MDGA1: variants seen among roughly 807,000 people sequenced by gnomAD.
MDGA1 encodes MAM domain containing glycosylphosphatidylinositol anchor 1.
A neutral mutation model predicts 101.5 loss-of-function variants in MDGA1; 54 were observed. That is an observed-to-expected ratio of 0.53 (90% CI 0.43 to 0.67). MDGA1 has a LOEUF of 0.67. Ranked by LOEUF, MDGA1 falls within the 30% of genes least tolerant of loss-of-function variation. MDGA1 has a pLI of 0.00. For missense variants in MDGA1, 1,083 were observed against 1,323.8 expected, an observed-to-expected ratio of 0.82 and a Z score of 2.82; for synonymous variants, 533 against 558.3, an observed-to-expected ratio of 0.95 and a Z score of 0.64.
At chr6:37,677,429 C>T (rs1306056675) in intron 1 of MDGA1, among the ~76,000 whole-genome samples, 3 of 152,202 alleles carry the variant, frequency 2.0e-5, no homozygotes, top group Non-Finnish European at 4.4e-5. Flanking sequence ...GGGAAATTGG[C>T]TCCTACCCAA....
chr6:37,694,418 A>C (rs1309884846), intron 1 of MDGA1, among the ~76,000 whole-genome samples: 1 of 152,152 alleles, frequency 6.6e-6, no homozygotes, highest in African/African-American at 2.4e-5. Flanking sequence ...TGTGCCGGGG[A>C]CCATGCTGGA....
chr6:37,691,122 G>A (rs79879161), intron 1 of MDGA1, among the ~76,000 whole-genome samples: 1 of 151,964 alleles, frequency 6.6e-6, no homozygotes, highest in African/African-American at 2.4e-5. Flanking sequence ...CATCTCAGTA[G>A]CCCTGCCAAT....
chr6:37,669,715 G>A (rs1053361406), intron 1 of MDGA1, among the ~76,000 whole-genome samples: 2 of 152,126 alleles, frequency 1.3e-5, no homozygotes, highest in Non-Finnish European at 2.9e-5. Flanking sequence ...CTCCTGATTC[G>A]GAAGGCAACC....
chr6:37,675,853 C>A (rs1761967631), intron 1 of MDGA1, among the ~76,000 whole-genome samples: 1 of 152,168 alleles, frequency 6.6e-6, no homozygotes, highest in Non-Finnish European at 1.5e-5. Flanking sequence ...TGGCACTGGT[C>A]CCTGGCAGCA....
In MDGA1 at chr6:37,696,934, C is replaced by G. The variant is rs1762434828; in HGVS notation, c.-123G>C. On this transcript the variant is annotated 5_prime_UTR_variant, in exon 1 of 17. Transcript: ENST00000434837. This position sits in a 1 kb window ranked among gnomAD's most constrained non-coding sequence, Gnocchi z 5.6. Reference sequence around the variant, plus strand: ...TTTCCCTGAGAGGTGAGAGAGAGAGCGGCGACGAAGACCAGGAGACTGAAG... The same window carrying G: ...TTTCCCTGAGAGGTGAGAGAGAGAGGGGCGACGAAGACCAGGAGACTGAAG... The G allele has an allele frequency of 1.2e-6, 1 of 811,778 alleles. No individual in the cohort carries two copies. The highest frequency in any genetic ancestry group is 2.0e-6 in the Non-Finnish European group (1 of 488,424). 50.3% of individuals were successfully genotyped at this position (811,778 alleles called of 1,614,324 possible).
intron 1 of MDGA1, among the ~76,000 whole-genome samples, chr6:37,676,587 A>G (rs1268916347): frequency 6.6e-6 from 1 of 152,214 alleles, no homozygotes; most frequent in South Asian, 2.1e-4. Flanking sequence ...AGTCCTTTCC[A>G]CAGAGTGCAG....
At chr6:37,664,858 C>CACACAT (rs1761710717) in intron 1 of MDGA1, among the ~76,000 whole-genome samples, 1 of 108,212 alleles carries the variant, frequency 9.2e-6, no homozygotes, top group Non-Finnish European at 2.2e-5. Context: ...CACACACACA[C>CACACAT]ACACACACAC....
intron 1 of MDGA1, among the ~76,000 whole-genome samples, chr6:37,674,840 G>A (rs1396661186): frequency 6.6e-6 from 1 of 152,180 alleles, no homozygotes; most frequent in East Asian, 1.9e-4. Flanking sequence ...CGGATCATTA[G>A]AGATCAGGAG....
chr6:37,668,790 G>A (rs1761808811), intron 1 of MDGA1, among the ~76,000 whole-genome samples: 2 of 152,186 alleles, frequency 1.3e-5, no homozygotes, highest in Non-Finnish European at 2.9e-5. Context: ...TGGGTGGGGT[G>A]GGAGATTATT....
intron 2 of MDGA1, among the ~76,000 whole-genome samples, chr6:37,662,981 G>A (rs559843759): frequency 6.6e-6 from 1 of 152,326 alleles, no homozygotes; most frequent in African/African-American, 2.4e-5. Flanking sequence ...CCTTTAAGAA[G>A]GAGCAGCAGT....
intron 13 of MDGA1, 116 bp downstream of exon 13, chr6:37,644,381 G>C (rs1764173967): frequency 3.5e-6 from 4 of 1,149,162 alleles, no homozygotes; most frequent in Non-Finnish European, 3.5e-6. Context: ...CCTGAGAACA[G>C]GGCTGCGTCT....
At chr6:37,647,589 G>A (rs1761240694) in intron 9 of MDGA1, among the ~76,000 whole-genome samples, 3 of 151,284 alleles carry the variant, frequency 2.0e-5, no homozygotes, top group Admixed American at 6.6e-5. Context: ...GAGAAAGGCA[G>A]GCCGAGAAAA....
At chr6:37,649,886 C>T (rs574285529) in intron 8 of MDGA1, 10 of 714,812 alleles carry the variant, frequency 1.4e-5, no homozygotes, top group South Asian at 1.4e-4. Context: ...TTTTTGTTCA[C>T]CGGGTCCCTG....
chr6:37,641,282 C>T (rs1426314989), intron 14 of MDGA1, among the ~76,000 whole-genome samples: 1 of 152,206 alleles, frequency 6.6e-6, no homozygotes, highest in Non-Finnish European at 1.5e-5. Context: ...CATGGAAATG[C>T]CAGCCAACGG....
chr6:37,673,472 A>G (rs1761913978), intron 1 of MDGA1, among the ~76,000 whole-genome samples: 1 of 152,204 alleles, frequency 6.6e-6, no homozygotes, highest in Non-Finnish European at 1.5e-5. Flanking sequence ...GGGGCCTGGG[A>G]GGAGGCTTTC....
intron 14 of MDGA1, among the ~76,000 whole-genome samples, chr6:37,640,568 T>C (rs1459441434): frequency 6.6e-6 from 1 of 152,136 alleles, no homozygotes; most frequent in African/African-American, 2.4e-5. Context: ...CTAGAACTCC[T>C]GGCCTCCAAA....
rs1359835217 is a variant in MDGA1, at chr6:37,635,229, C to A, written c.*2139G>T. The A allele has an allele frequency of 1.0e-5, 4 of 384,046 alleles. No homozygotes were observed. The Admixed American group carries it at 1.4e-4, about 13-fold the overall frequency. The allele number at this position is 384,046 out of a possible 1,614,324, so 23.8% of individuals were successfully genotyped here. A position where few individuals can be genotyped will look rare whatever the true frequency, so the allele number is the denominator to read the frequency against. On this transcript the variant is annotated 3_prime_UTR_variant, in exon 17 of 17. Transcript: ENST00000434837. ...TGGTGGTTCTATTCTGCAGGCAAGGCCAGGAACCACTGATTACAGAATCCA... is the reference window on the plus strand; with the variant it reads ...TGGTGGTTCTATTCTGCAGGCAAGGACAGGAACCACTGATTACAGAATCCA...
chr6:37,664,600 T>TACACACACAC (rs61046567), intron 1 of MDGA1, among the ~76,000 whole-genome samples: 10,282 of 118,044 alleles, frequency 0.087, 697 homozygotes, highest in East Asian at 0.22. Flanking sequence ...TCCCCCACAA[T>TACACACACAC]ACACACACAC....
rs1464541313 is a variant in MDGA1, at chr6:37,649,105, C to T, written c.1771G>A (p.Ala591Thr). Residue 591 changes from alanine (A) to threonine (T), a missense_variant, in exon 9 of 17, where the codon GCC becomes ACC. Around this residue, in one of 3 missense-constraint regions of MDGA1, gnomAD observed 657 missense variants for 771.4 expected, o/e 0.85. Transcript: ENST00000434837. Reference sequence around the variant, plus strand: ...TCCGCGTGATCCGGCGCCTCGGCGGCGGCGGGAACAACAGGCGGCGGCGGC... The same window carrying T: ...TCCGCGTGATCCGGCGCCTCGGCGGTGGCGGGAACAACAGGCGGCGGCGGC... ...LLPPPPVVPA[A>T]AEAPDHAELR... 9.9e-6 allele frequency: 15 copies of T among 1,520,762 alleles called. No homozygotes were observed. The highest frequency in any genetic ancestry group is 1.4e-5 in the African/African-American group (1 of 70,460). The allele number at this position is 1,520,762 out of a possible 1,614,324, so 94.2% of individuals were successfully genotyped here.
Sources: gnomAD v4.1 joint callset for allele counts (sites outside exome capture counted in the v4.1 genomes callset) on GRCh38, gnomAD v4.1.1 for gene constraint, gnomAD v4.1.1 regional missense constraint, Gnocchi (gnomAD v3.1) non-coding constraint, MANE v1.5 for transcripts, NCBI Gene and HGNC (gene_info 2026-07-23, HGNC 2026-07-21) for gene names.